The following BCAS1 variants were observed in gnomAD, a reference collection of about 807,000 sequenced individuals.
BCAS1 encodes brain enriched myelin associated protein 1.
Under a neutral mutation model 65.4 loss-of-function variants are expected in BCAS1, and 46 were observed. The ratio of observed to expected loss-of-function variants is 0.70; its 90% CI spans 0.55 to 0.90. The LOEUF (loss-of-function observed/expected upper bound fraction) is 0.90. BCAS1 is among the 40% of genes least tolerant of loss of function. BCAS1 has a pLI of 0.00. For synonymous variants in BCAS1, 298 were observed against 293.5 expected, an observed-to-expected ratio of 1.02 and a Z score of -0.16; for missense variants, 793 against 771.2, an observed-to-expected ratio of 1.03 and a Z score of -0.33.
intron 3 of BCAS1, among the ~76,000 whole-genome samples, chr20:54,043,541 C>T (rs148753875): frequency 1.3e-5 from 2 of 152,156 alleles, no homozygotes; most frequent in South Asian, 4.1e-4. Context: ...TTTCCCAGGG[C>T]AGCCATCCTT....
intron 3 of BCAS1, among the ~76,000 whole-genome samples, chr20:54,054,183 G>T (rs1475427469): frequency 1.3e-5 from 2 of 152,076 alleles, no homozygotes; most frequent in Non-Finnish European, 2.9e-5. Flanking sequence ...CTCCTACTGG[G>T]TCCCTCCCAT....
intron 10 of BCAS1, among the ~76,000 whole-genome samples, chr20:53,962,285 C>T (rs1485297635): frequency 6.6e-6 from 1 of 152,096 alleles, no homozygotes; most frequent in Non-Finnish European, 1.5e-5. Flanking sequence ...TTTAAAAAAC[C>T]CTCTGATTTC....
At position 53,943,957 on chromosome 20, in the gene BCAS1, TTTTATTTA is replaced by T. The variant is rs1266132121; in HGVS notation, c.*957_*964del. On this transcript the variant is annotated 3_prime_UTR_variant, in exon 13 of 13. Coordinates refer to ENST00000688948, the MANE Select transcript of BCAS1 (RefSeq NM_001366298.2). ...AAATAACCGTGCAACTTCCTTTATT[TTTTATTTA>T]TTTTTTTTTTTTAAGTTGTAATCTT... is the stretch of plus-strand genomic sequence containing the variant. The T allele has an allele frequency of 1.4e-5, 2 of 140,532 alleles. No homozygotes were observed. The highest frequency in any genetic ancestry group is 5.1e-5 in the African/African-American group (2 of 39,194). The allele number at this position is 140,532 out of a possible 1,614,324, so 8.7% of individuals were successfully genotyped here.
chr20:53,955,760 A>G (rs940698477), intron 11 of BCAS1, among the ~76,000 whole-genome samples: 11 of 152,208 alleles, frequency 7.2e-5, no homozygotes, highest in African/African-American at 2.4e-4. Flanking sequence ...TAAAATTCCC[A>G]ATTGGATTCT....
At chr20:53,966,880 T>A in intron 10 of BCAS1, 26 bp downstream of exon 10, 1 of 1,580,054 alleles carries the variant, frequency 6.3e-7, no homozygotes, top group Non-Finnish European at 8.6e-7. Context: ...ATCTTAGGTT[T>A]CCTATACTGG....
intron 3 of BCAS1, among the ~76,000 whole-genome samples, chr20:54,051,651 C>T (rs973339562): frequency 1.3e-5 from 2 of 152,162 alleles, no homozygotes; most frequent in African/African-American, 4.8e-5. Flanking sequence ...TGATCTTTCC[C>T]CCCATTCTTT....
intron 3 of BCAS1, among the ~76,000 whole-genome samples, chr20:54,048,915 C>G (rs79853378): frequency 6.6e-6 from 1 of 152,154 alleles, no homozygotes; most frequent in Non-Finnish European, 1.5e-5. Flanking sequence ...GGATGGCAAG[C>G]GTCCTGCTCT....
At chr20:54,063,256 C>T (rs1343489680) in intron 1 of BCAS1, among the ~76,000 whole-genome samples, 1 of 152,196 alleles carries the variant, frequency 6.6e-6, no homozygotes, top group Non-Finnish European at 1.5e-5. Flanking sequence ...CTCGCTGGGC[C>T]TCAGTTTCCT....
chr20:53,990,620 A>G (rs2090732296), intron 7 of BCAS1, among the ~76,000 whole-genome samples: 1 of 152,166 alleles, frequency 6.6e-6, no homozygotes, highest in South Asian at 2.1e-4. Flanking sequence ...ACCTCCTAAA[A>G]TCATGATAAT....
intron 1 of BCAS1, among the ~76,000 whole-genome samples, chr20:54,061,420 T>C (rs461140): frequency 0.73 from 111,348 of 152,160 alleles, 42,017 homozygotes; most frequent in African/African-American, 0.92. Context: ...CTTTTGCACA[T>C]GTAATTCCAA....
chr20:53,983,236 C>T lies in BCAS1; in HGVS notation c.1275+2051G>A, dbSNP rs528915298. On this transcript the variant is annotated intron_variant, in intron 8 of 12. Transcript: ENST00000688948. The stretch of plus-strand genomic sequence containing the variant: ...GGACAGTATAGAAAGATAAAGACGT[C>T]GGCCTGGTTAGTTCTTCAGCCCTCC... Among the ~76,000 whole-genome samples the T allele has an allele frequency of 7.9e-5, 12 of 152,240 alleles. No individual in the cohort carries two copies. In the South Asian group the frequency reaches 1.7e-3, roughly 21 times the overall value.
chr20:54,067,308 G>A (rs913285550), intron 1 of BCAS1, among the ~76,000 whole-genome samples: 8 of 151,638 alleles, frequency 5.3e-5, no homozygotes, highest in Admixed American at 1.3e-4. Context: ...CCCAGGAAGC[G>A]GAGGTTGCAG....
chr20:54,039,996 G>T (rs114512), intron 3 of BCAS1, among the ~76,000 whole-genome samples: 108,058 of 151,058 alleles, frequency 0.72, 40,376 homozygotes, highest in East Asian at 0.89. Context: ...TAGCTCCAAA[G>T]CTATCTTATC....
chr20:53,962,907 G>A (rs1337077414), intron 10 of BCAS1, among the ~76,000 whole-genome samples: 1 of 152,058 alleles, frequency 6.6e-6, no homozygotes, highest in Non-Finnish European at 1.5e-5. Flanking sequence ...CTGGAGTGCA[G>A]TGGCGCGATC....
rs980831665 is a variant in BCAS1 at position 53,949,390 on chromosome 20, A to T, written c.1815+4042T>A. 2.0e-5 allele frequency among the ~76,000 whole-genome samples: 3 copies of T among 152,318 alleles called. No homozygotes were observed. The East Asian group carries it at 5.8e-4, about 29-fold the overall frequency. On this transcript the variant is annotated intron_variant, in intron 12 of 12. Coordinates refer to ENST00000688948, the MANE Select transcript of BCAS1 (RefSeq NM_001366298.2). Reference sequence around the variant, plus strand: ...TGCTCTCAGTTAGAACTCAAGTAGCATGATGGAGAAGGAGGAAAAAAGGAC... The same window carrying T: ...TGCTCTCAGTTAGAACTCAAGTAGCTTGATGGAGAAGGAGGAAAAAAGGAC...
At chr20:53,976,689 G>C (rs2090344086) in intron 8 of BCAS1, among the ~76,000 whole-genome samples, 2 of 152,194 alleles carry the variant, frequency 1.3e-5, no homozygotes, top group South Asian at 4.1e-4. Context: ...CCCCTGCTAT[G>C]ATGACTTCAA....
intron 12 of BCAS1, among the ~76,000 whole-genome samples, chr20:53,945,858 A>AAG (rs1171211266): frequency 6.6e-6 from 1 of 152,088 alleles, no homozygotes; most frequent in East Asian, 1.9e-4. Context: ...TGTAGCCTTG[A>AAG]AGTCCTGGGC....
chr20:54,039,624 AC>A, intron 3 of BCAS1, among the ~76,000 whole-genome samples: 1 of 151,388 alleles, frequency 6.6e-6, no homozygotes, highest in Non-Finnish European at 1.5e-5. Context: ...CAAATGCAAA[AC>A]CAGCCTTTGC....
chr20:53,957,872 G>T (rs2089750391), intron 10 of BCAS1, among the ~76,000 whole-genome samples: 1 of 148,158 alleles, frequency 6.7e-6, no homozygotes, highest in South Asian at 2.2e-4. Context: ...TTAGGCTGTG[G>T]GTGTTTTATT....
Sources: allele counts gnomAD v4.1 joint callset (sites outside exome capture counted in the v4.1 genomes callset), GRCh38; gene constraint gnomAD v4.1.1; transcripts MANE v1.5; gene names NCBI Gene and HGNC (gene_info 2026-07-23, HGNC 2026-07-21).